The following ZMIZ2 variants were observed in gnomAD, a reference collection of about 807,000 sequenced individuals.
The protein encoded by ZMIZ2 is zinc finger MIZ domain-containing protein 2.
Under a neutral mutation model 93.9 loss-of-function variants are expected in ZMIZ2, and 26 were observed. That is an observed-to-expected ratio of 0.28 (90% confidence interval 0.20 to 0.38). The LOEUF is 0.38. Among genes scored for constraint, ZMIZ2 ranks in the 10% least tolerant of loss-of-function variants. ZMIZ2 has a pLI of 1.00. For synonymous variants in ZMIZ2, 485 were observed against 516.4 expected, an observed-to-expected ratio of 0.94 and a Z score of 0.82; for missense variants, 1,023 against 1,235.0, an observed-to-expected ratio of 0.83 and a Z score of 2.57.
In ZMIZ2 at chr7:44,766,523, A is replaced by G; in HGVS notation, c.2515A>G (p.Asn839Asp). 1.2e-6 allele frequency: 2 copies of G among 1,614,054 alleles called. No homozygotes were observed. The change falls in exon 18 of 19, where the codon AAC becomes GAC. Residue 839 changes from asparagine to aspartate, a missense_variant. Physicochemically the swap from Asn to Asp is conservative, Grantham distance 23. Around this residue, in one of 3 missense-constraint regions of ZMIZ2, gnomAD observed 319 missense variants for 358.8 expected, o/e 0.89. Transcript: ENST00000309315. This position sits in a 1 kb window ranked among gnomAD's most constrained non-coding sequence, Gnocchi z 4.4. ...APPGPQLHHS[N>D]PPPASRQSLG... ...TCCAGGTCCCCAGCTGCACCATTCA[A>G]ACCCTCCCCCAGCGTCCCGGCAGTC...
At position 44,756,296 on chromosome 7, in the gene ZMIZ2, A is replaced by G. The variant is rs1790582530; in HGVS notation, c.47A>G (p.His16Arg). 1 of 1,613,778 alleles carries G rather than the reference A, an allele frequency of 6.2e-7. No homozygotes were observed. The highest frequency in any genetic ancestry group is 1.3e-5 in the African/African-American group (1 of 74,890). ...AAACCTGCCCTGCCCCCTGCGCCACACGGGTGAGTGTGGGCTCCTCTGCCC... is the reference window on the plus strand; with the variant it reads ...AAACCTGCCCTGCCCCCTGCGCCACGCGGGTGAGTGTGGGCTCCTCTGCCC... ...PMKPALPPAP[H>R]GDGSFAYESV... is the part of the protein sequence containing the mutation. Residue 16 changes from histidine (H) to arginine (R), a missense_variant, in exon 2 of 19, where the codon CAC becomes CGC. His to Arg is a conservative substitution (Grantham distance 29). This residue lies in a region of ZMIZ2 where 656 missense variants were observed against 777.1 expected (regional missense o/e 0.84). Coordinates refer to ENST00000309315, the MANE Select transcript of ZMIZ2 (RefSeq NM_031449.4).
chr7:44,766,103 GCTC>G lies in ZMIZ2; in HGVS notation c.2243-57_2243-55del. 1 of 1,522,568 alleles carries G rather than the reference GCTC, an allele frequency of 6.6e-7. No individual in the cohort carries two copies. The highest frequency in any genetic ancestry group is 8.8e-7 in the Non-Finnish European group (1 of 1,141,372). 94.3% of individuals were successfully genotyped at this position (1,522,568 alleles called of 1,614,324 possible). ...CATGCCACAGCCAGCCTCCCTCCTG[GCTC>G]CTCTGCCAGCGGTGGCCTTCCCCAG... On this transcript the variant is annotated intron_variant, in intron 16 of 18. Coordinates refer to ENST00000309315, the MANE Select transcript of ZMIZ2 (RefSeq NM_031449.4). The surrounding 1 kb of genome is among the most constrained non-coding windows in gnomAD (Gnocchi z 4.4).
rs915713097 is a variant in ZMIZ2, at chr7:44,765,197, C to G, written c.1998-138C>G. The G allele has an allele frequency of 9.3e-6, 14 of 1,506,448 alleles. No individual in the cohort carries two copies. In the African/African-American group the frequency reaches 1.8e-4, roughly 19 times the overall value. The allele number at this position is 1,506,448 out of a possible 1,614,324, so 93.3% of individuals were successfully genotyped here. A position where few individuals can be genotyped will look rare whatever the true frequency, so the allele number is the denominator to read the frequency against. Reference sequence around the variant, plus strand: ...TTGGTGCTGGGCCCAGCGTCCTGCTCGATGTGGAAGGTGCTGGGTGGAAGC... The same window carrying G: ...TTGGTGCTGGGCCCAGCGTCCTGCTGGATGTGGAAGGTGCTGGGTGGAAGC... On this transcript the variant is annotated intron_variant, in intron 15 of 18. Transcript: ENST00000309315. This position sits in a 1 kb window ranked among gnomAD's most constrained non-coding sequence, Gnocchi z 4.1.
At chr7:44,760,866 A>AC (rs1491063619) in intron 9 of ZMIZ2, among the ~76,000 whole-genome samples, 2 of 140,742 alleles carry the variant, frequency 1.4e-5, no homozygotes, top group East Asian at 4.3e-4. Context: ...AAAAAAAAAA[A>AC]GGCCAAGGAT....
rs1253620290 is a variant in ZMIZ2, at chr7:44,761,062, C to T, written c.1241-387C>T. Among the ~76,000 whole-genome samples the T allele has an allele frequency of 2.6e-5, 4 of 152,162 alleles. No individual in the cohort carries two copies. The highest frequency in any genetic ancestry group is 7.2e-5 in the African/African-American group (3 of 41,448). ...AGACCACAGCAGCAGAAGTTGGGAT[C>T]GTAGAACTCTAAACAGAGCTATAGG... On this transcript the variant is annotated intron_variant, in intron 9 of 18. Coordinates refer to ENST00000309315, the MANE Select transcript of ZMIZ2 (RefSeq NM_031449.4). This position sits in a 1 kb window ranked among gnomAD's most constrained non-coding sequence, Gnocchi z 5.8.
At chr7:44,755,815 CCA>C (rs1353785715) in intron 1 of ZMIZ2, among the ~76,000 whole-genome samples, 1 of 152,168 alleles carries the variant, frequency 6.6e-6, no homozygotes, top group African/African-American at 2.4e-5. Context: ...TCTCTAAACC[CCA>C]GTTTCCACGG....
Position 44,757,099 on chromosome 7 carries a change from A to G in ZMIZ2, c.318A>G (p.Gln106=). ...EGGANKGYVQ[Q]GVYSRGGYPG... ...GCGCCAACAAGGGCTACGTGCAGCA[A>G]GGCGTGTACAGCCGCGGGGGCTACC... Residue 106 remains glutamine (Q), a synonymous_variant, in exon 4 of 19, where the codon CAA becomes CAG. Transcript: ENST00000309315. 6.2e-7 allele frequency: 1 copy of G among 1,603,012 alleles called. No homozygotes were observed. The highest frequency in any genetic ancestry group is 8.5e-7 in the Non-Finnish European group (1 of 1,177,032).
intron 11 of ZMIZ2, 152 bp downstream of exon 11, chr7:44,762,057 T>G (rs991943247): frequency 2.9e-6 from 3 of 1,028,000 alleles, no homozygotes; most frequent in African/African-American, 3.5e-5. Context: ...CGGGCCGGCC[T>G]GCAGCACCAT....
Position 44,763,004 on chromosome 7 carries a change from C to G in ZMIZ2, c.1702+18C>G. The stretch of plus-strand genomic sequence containing the variant: ...CACCAAGAGTGAGTGGCTCCTGCCC[C>G]TCAGCTGCCAGGCAGCCATCCCCAT... On this transcript the variant is annotated intron_variant, in intron 12 of 18. Coordinates refer to ENST00000309315, the MANE Select transcript of ZMIZ2 (RefSeq NM_031449.4). This position sits in a 1 kb window ranked among gnomAD's most constrained non-coding sequence, Gnocchi z 5.6. 3 of 1,600,444 alleles carry G rather than the reference C, an allele frequency of 1.9e-6. No individual in the cohort carries two copies. The highest frequency in any genetic ancestry group is 2.6e-6 in the Non-Finnish European group (3 of 1,171,656).
chr7:44,759,919 G>C (rs377566686), intron 7 of ZMIZ2: 3 of 565,498 alleles, frequency 5.3e-6, no homozygotes, highest in Non-Finnish European at 9.3e-6. Flanking sequence ...GTGCAGCTTG[G>C]GGGAGGAGAG....
chr7:44,760,677 G>T, intron 9 of ZMIZ2, 84 bp downstream of exon 9: 1 of 1,503,332 alleles, frequency 6.7e-7, no homozygotes, highest in Non-Finnish European at 9.0e-7. Flanking sequence ...GAGTCCTGTA[G>T]GAGCTTGGGG....
At chr7:44,764,596 C>A in intron 14 of ZMIZ2, 110 bp downstream of exon 14, 1 of 1,260,580 alleles carries the variant, frequency 7.9e-7, no homozygotes, top group South Asian at 1.3e-5. Context: ...TGGGAGGAGT[C>A]ACTGCATGGA....
chr7:44,767,438 G>C, intron 18 of ZMIZ2, 78 bp from the exon 19 acceptor site: 1 of 1,226,554 alleles, frequency 8.2e-7, no homozygotes, highest in Non-Finnish European at 1.2e-6. Flanking sequence ...GACAGGGCCG[G>C]GATGTGGTGA....
chr7:44,752,651 T>C (rs991823958), intron 1 of ZMIZ2, among the ~76,000 whole-genome samples: 5 of 152,242 alleles, frequency 3.3e-5, no homozygotes, highest in Admixed American at 2.6e-4. Context: ...CACCGAGCAT[T>C]AATTCTCTGG....
chr7:44,761,387 G>C lies in ZMIZ2; in HGVS notation c.1241-62G>C. 1.9e-6 allele frequency: 3 copies of C among 1,578,986 alleles called. No individual in the cohort carries two copies. Among genetic ancestry groups the C allele is most frequent in the Non-Finnish European group, 8.6e-7 (1 of 1,166,546 alleles). On this transcript the variant is annotated intron_variant, in intron 9 of 18. Transcript: ENST00000309315. This position sits in a 1 kb window ranked among gnomAD's most constrained non-coding sequence, Gnocchi z 5.8. ...TGGCTGGGGAGCCGCTGCCCTCCTT[G>C]AGTGACACAAGACGCTCTGGCTGGG...
chr7:44,759,237 CT>C (rs1404778691), intron 6 of ZMIZ2, 43 bp from the exon 7 acceptor site: 17 of 1,452,650 alleles, frequency 1.2e-5, no homozygotes, highest in Admixed American at 2.5e-5. Flanking sequence ...ACCAGCTCCC[CT>C]GATGCCTTTT....
chr7:44,755,338 G>A (rs547786884), intron 1 of ZMIZ2, among the ~76,000 whole-genome samples: 2 of 152,214 alleles, frequency 1.3e-5, no homozygotes, highest in African/African-American at 2.4e-5. Context: ...CTATTGTGCT[G>A]TGTGTCCCTG....
rs1237811404 is a variant in ZMIZ2 at position 44,766,648 on chromosome 7, A to C, written c.2640A>C (p.Pro880=). 6.2e-7 allele frequency: 1 copy of C among 1,612,988 alleles called. No individual in the cohort carries two copies. Among genetic ancestry groups the C allele is most frequent in the Non-Finnish European group, 8.5e-7 (1 of 1,180,004 alleles). Reference sequence around the variant, plus strand: ...GCATGTCTGGAGCCGGGGAGGCCCCAGAACCAGCTCTGGACGTGAGTACCA... The same window carrying C: ...GCATGTCTGGAGCCGGGGAGGCCCCCGAACCAGCTCTGGACGTGAGTACCA... The part of the protein sequence containing the change: ...PPSMSGAGEA[P]EPALDLLPEL... The change falls in exon 18 of 19, where the codon CCA becomes CCC. Residue 880 remains proline, a synonymous_variant. Transcript: ENST00000309315. The surrounding 1 kb of genome is among the most constrained non-coding windows in gnomAD (Gnocchi z 4.4).
chr7:44,754,686 T>G (rs930802088), intron 1 of ZMIZ2, among the ~76,000 whole-genome samples: 2 of 152,122 alleles, frequency 1.3e-5, no homozygotes, highest in African/African-American at 4.8e-5. Context: ...CACCCTCTCC[T>G]GGGGCAGGGA....
Sources: allele counts gnomAD v4.1 joint callset (sites outside exome capture counted in the v4.1 genomes callset), GRCh38; gene constraint gnomAD v4.1.1; regional missense constraint gnomAD v4.1.1; non-coding constraint Gnocchi (gnomAD v3.1); transcripts MANE v1.5; gene names NCBI Gene and HGNC (gene_info 2026-07-23, HGNC 2026-07-21).